Variants in SLC4A4 observed in about 807,000 individuals in gnomAD.
SLC4A4 encodes the protein electrogenic sodium bicarbonate cotransporter 1.
A neutral mutation model predicts 111.5 loss-of-function variants in SLC4A4; 27 were observed. The observed-to-expected ratio is 0.24, with a 90% confidence interval of 0.18 to 0.33. SLC4A4 has a LOEUF of 0.33. Among genes scored for constraint, SLC4A4 ranks in the 10% least tolerant of loss-of-function variants. The pLI is 1.00. For missense variants in SLC4A4, 909 were observed against 1,315.5 expected, an observed-to-expected ratio of 0.69 and a Z score of 4.78; for synonymous variants, 443 against 463.4, an observed-to-expected ratio of 0.96 and a Z score of 0.57.
At chr4:71,186,009 C>G (rs1745438676), upstream of SLC4A4, among the ~76,000 whole-genome samples, 1 of 152,180 alleles carries the variant, frequency 6.6e-6, no homozygotes, top group African/African-American at 2.4e-5. Context: ...CATTAAGTGA[C>G]TACTCTCTAG....
intron 3 of SLC4A4, among the ~76,000 whole-genome samples, chr4:71,331,281 C>G (rs181319264): frequency 1.3e-5 from 2 of 152,098 alleles, no homozygotes; most frequent in East Asian, 3.9e-4. Flanking sequence ...CACATGCACA[C>G]GTATGTTTAT....
chr4:71,230,406 T>TGTGTGCGTCACTTTG (rs1719339130), intron 1 of SLC4A4, among the ~76,000 whole-genome samples: 1 of 152,212 alleles, frequency 6.6e-6, no homozygotes, highest in Non-Finnish European at 1.5e-5. Flanking sequence ...GTCACTCCCC[T>TGTGTGCGTCACTTTG]GTGTGCGTCA....
intron 7 of SLC4A4, among the ~76,000 whole-genome samples, chr4:71,409,573 G>A (rs1461799995): frequency 1.3e-5 from 2 of 152,200 alleles, no homozygotes; most frequent in Admixed American, 6.5e-5. Context: ...TGACTTGGGT[G>A]CTGTTAAAAG....
intron 3 of SLC4A4, among the ~76,000 whole-genome samples, chr4:71,257,896 T>C (rs1221927995): frequency 2.0e-5 from 3 of 152,238 alleles, no homozygotes; most frequent in Non-Finnish European, 4.4e-5. Context: ...TTTCTGTTGG[T>C]TCAACATTTA....
chr4:71,281,175 A>G (rs919274287), intron 3 of SLC4A4, among the ~76,000 whole-genome samples: 2 of 152,184 alleles, frequency 1.3e-5, no homozygotes, highest in Non-Finnish European at 2.9e-5. Context: ...GAGTTAGACA[A>G]TGGATGCTCA....
chr4:71,099,930 A>T (rs1742673318), intron 2 of SLC4A4, among the ~76,000 whole-genome samples: 1 of 152,196 alleles, frequency 6.6e-6, no homozygotes, highest in African/African-American at 2.4e-5. Flanking sequence ...GAAGAGACCA[A>T]TAATGAGCTC....
chr4:71,334,416 C>T (rs968019991), intron 3 of SLC4A4, among the ~76,000 whole-genome samples: 2 of 151,944 alleles, frequency 1.3e-5, no homozygotes, highest in African/African-American at 2.4e-5. Flanking sequence ...TTACTCTTCC[C>T]TCTACTCTCC....
At chr4:71,180,891 T>C (rs890366885) in intron 2 of SLC4A4, among the ~76,000 whole-genome samples, 9 of 152,168 alleles carry the variant, frequency 5.9e-5, no homozygotes, top group Non-Finnish European at 8.8e-5. Context: ...TTATAAATCA[T>C]GCTACTAGAA....
chr4:71,247,392 AT>A (rs1230237663), intron 2 of SLC4A4, among the ~76,000 whole-genome samples: 2 of 150,878 alleles, frequency 1.3e-5, no homozygotes, highest in Non-Finnish European at 2.9e-5. Flanking sequence ...TTGATACCTG[AT>A]TAGCCATGAG....
upstream of SLC4A4, among the ~76,000 whole-genome samples, chr4:71,182,734 ACACACACACT>A (rs1433950747): frequency 1.3e-5 from 2 of 150,964 alleles, no homozygotes; most frequent in Non-Finnish European, 3.0e-5. Context: ...ACACACACAC[ACACACACACT>A]CTCTCTCACA....
chr4:71,451,467 G>A (rs1725754252), intron 11 of SLC4A4, among the ~76,000 whole-genome samples, 166 bp downstream of exon 11: 1 of 152,188 alleles, frequency 6.6e-6, no homozygotes, highest in Admixed American at 6.5e-5. Context: ...TGAATTAAAT[G>A]ATACTGTATT....
At chr4:71,513,490 T>A (rs1372059482) in intron 16 of SLC4A4, among the ~76,000 whole-genome samples, 1 of 152,184 alleles carries the variant, frequency 6.6e-6, no homozygotes, top group East Asian at 1.9e-4. Context: ...ATCCTGCAAC[T>A]GTACTAATTT....
intron 1 of SLC4A4, among the ~76,000 whole-genome samples, chr4:71,210,958 A>G (rs1718101236): frequency 6.6e-6 from 1 of 152,226 alleles, no homozygotes; most frequent in Non-Finnish European, 1.5e-5. Context: ...GCTACTCAGA[A>G]TTTCCAAAGA....
At chr4:71,238,998 A>G (rs966939897) in intron 2 of SLC4A4, among the ~76,000 whole-genome samples, 2 of 152,174 alleles carry the variant, frequency 1.3e-5, no homozygotes, top group Admixed American at 6.5e-5. Context: ...TCCCAAGGAT[A>G]TGAGTCCATC....
At chr4:71,268,075 GTT>G (rs10657146) in intron 3 of SLC4A4, among the ~76,000 whole-genome samples, 3 of 87,586 alleles carry the variant, frequency 3.4e-5, no homozygotes, top group East Asian at 4.0e-4. Context: ...ATAAAGTAGT[GTT>G]TTTTTTTTTT....
chr4:71,347,296 T>C (rs368162126), intron 4 of SLC4A4, among the ~76,000 whole-genome samples: 11 of 152,290 alleles, frequency 7.2e-5, no homozygotes, highest in African/African-American at 2.6e-4. Context: ...TAAACTTATA[T>C]TATTTGGACA....
chr4:71,567,748 T>C (rs956624948), intron 25 of SLC4A4, 40 bp from the exon 26 acceptor site: 5 of 961,962 alleles, frequency 5.2e-6, no homozygotes, highest in Non-Finnish European at 7.9e-6. Context: ...ATGAAGGAAA[T>C]CTGATTTACT....
At chr4:71,195,396 A>G (rs1745949171) in intron 1 of SLC4A4, among the ~76,000 whole-genome samples, 1 of 152,158 alleles carries the variant, frequency 6.6e-6, no homozygotes, top group Admixed American at 6.5e-5. Flanking sequence ...TTTACATATT[A>G]GGTAGTATAC....
intron 16 of SLC4A4, among the ~76,000 whole-genome samples, chr4:71,501,386 A>T (rs775197109): frequency 6.6e-6 from 1 of 151,908 alleles, no homozygotes; most frequent in Non-Finnish European, 1.5e-5. Context: ...GCTAACAGAG[A>T]CAATTTAACT....
Sources: gnomAD v4.1 joint callset for allele counts (sites outside exome capture counted in the v4.1 genomes callset) on GRCh38, gnomAD v4.1.1 for gene constraint, MANE v1.5 for transcripts, NCBI Gene and HGNC (gene_info 2026-07-23, HGNC 2026-07-21) for gene names.